The following SLC22A2 variants were observed in gnomAD, a reference collection of about 807,000 sequenced individuals.
SLC22A2 encodes solute carrier family 22 member 2.
SLC22A2 carries 46 observed loss-of-function variants against 60.5 expected under a neutral mutation model. That is an observed-to-expected ratio of 0.76 (90% CI 0.60 to 0.97). The LOEUF (loss-of-function observed/expected upper bound fraction) is 0.97, where lower values mean the gene tolerates loss of function less well. SLC22A2 is among the 50% of genes least tolerant of loss of function. The pLI is 0.00. For synonymous variants in SLC22A2, 303 were observed against 267.0 expected (o/e 1.13, Z -1.31); for missense variants, 701 against 706.6 (o/e 0.99, Z 0.09).
At chr6:160,239,939 T>C (rs1250262363) in intron 9 of SLC22A2, among the ~76,000 whole-genome samples, 1 of 152,112 alleles carries the variant, frequency 6.6e-6, no homozygotes, top group Non-Finnish European at 1.5e-5. Context: ...ACAAATTCCG[T>C]GAGAAGAAGG....
chr6:160,244,758 G>A (rs1783063590), intron 6 of SLC22A2: 1 of 152,184 alleles, frequency 6.6e-6, no homozygotes, highest in African/African-American at 2.4e-5. Flanking sequence ...CTTTGCTTTT[G>A]TCAGTGATTG....
intron 10 of SLC22A2, among the ~76,000 whole-genome samples, chr6:160,224,452 C>T (rs1011905299): frequency 6.6e-6 from 1 of 151,918 alleles, no homozygotes; most frequent in African/African-American, 2.4e-5. Flanking sequence ...ACATATTGAC[C>T]TTTCTTCTAT....
chr6:160,254,147 AGG>A (rs1228250440), intron 2 of SLC22A2, among the ~76,000 whole-genome samples: 10 of 151,964 alleles, frequency 6.6e-5, no homozygotes, highest in African/African-American at 2.4e-4. Context: ...GCATGGTGGT[AGG>A]CGCCTGTAAT....
At chr6:160,244,516 G>A (rs1402419796) in intron 6 of SLC22A2, 1 of 152,242 alleles carries the variant, frequency 6.6e-6, no homozygotes, top group African/African-American at 2.4e-5. Flanking sequence ...AGAAGACCAA[G>A]TGAGTACGGC....
At chr6:160,248,734 G>T (rs185207941) in intron 4 of SLC22A2, among the ~76,000 whole-genome samples, 2 of 152,280 alleles carry the variant, frequency 1.3e-5, no homozygotes, top group Non-Finnish European at 2.9e-5. Context: ...TGGTCTGTCT[G>T]GAGTGTCATG....
intron 5 of SLC22A2, among the ~76,000 whole-genome samples, chr6:160,245,881 T>C (rs867515075): frequency 0.011 from 1,431 of 132,540 alleles, 29 homozygotes; most frequent in Middle Eastern, 0.052. Flanking sequence ...TTTTTTTTTT[T>C]CCCCGAGACA....
At position 160,243,625 on chromosome 6, in the gene SLC22A2, G is replaced by T; in HGVS notation, c.1226C>A (p.Ala409Glu). 1 of 1,614,062 alleles carries T rather than the reference G, an allele frequency of 6.2e-7. No individual in the cohort carries two copies. Among genetic ancestry groups the T allele is most frequent in the Non-Finnish European group, 8.5e-7 (1 of 1,179,948 alleles). The change falls in exon 7 of 11, where the codon GCA becomes GAA. Residue 409 changes from alanine to glutamate, a missense_variant. Coordinates refer to ENST00000366953, the MANE Select transcript of SLC22A2 (RefSeq NM_003058.4). ...GGCTGCCCCTGCAACCATATTTGAT[G>T]CAGCCCAAGGGTAACGGCGTCCGAT... ...DRIGRRYPWA[A>E]SNMVAGAACL...
chr6:160,224,909 A>C (rs1782699811), intron 9 of SLC22A2, 105 bp from the exon 10 acceptor site: 1 of 556,918 alleles, frequency 1.8e-6, no homozygotes, highest in Non-Finnish European at 3.0e-6. Context: ...GCATTTTTCT[A>C]TACTTATTTA....
chr6:160,223,427 T>C (rs1383242169), intron 10 of SLC22A2, among the ~76,000 whole-genome samples: 1 of 152,242 alleles, frequency 6.6e-6, no homozygotes, highest in African/African-American at 2.4e-5. Flanking sequence ...ACACAAATGA[T>C]AGAATATATA....
intron 4 of SLC22A2, among the ~76,000 whole-genome samples, chr6:160,248,510 T>C (rs1783132867): frequency 6.6e-6 from 1 of 152,302 alleles, no homozygotes; most frequent in Admixed American, 6.5e-5. Flanking sequence ...AAGACAGCCA[T>C]GGGAAGAACA....
Position 160,224,098 on chromosome 6 carries a change from C to T in SLC22A2, c.1601+607G>A, listed in dbSNP as rs193014004. On this transcript the variant is annotated intron_variant, in intron 10 of 10. Transcript: ENST00000366953. ...AGGCATCTAATTCCTACCAGCAACA[C>T]GGGAGACTACATTTCTCCCCATTCT... is the stretch of plus-strand genomic sequence containing the variant. 5.3e-5 allele frequency among the ~76,000 whole-genome samples: 8 copies of T among 152,284 alleles called. No homozygotes were observed. In the East Asian group the frequency reaches 9.6e-4, roughly 18 times the overall value.
At chr6:160,243,494 G>T in intron 7 of SLC22A2, 78 bp downstream of exon 7, 1 of 1,069,028 alleles carries the variant, frequency 9.4e-7, no homozygotes, top group Non-Finnish European at 1.4e-6. Context: ...AAATTACATG[G>T]TTTTCCTATC....
At chr6:160,256,768 C>G in intron 1 of SLC22A2, 51 bp from the exon 2 acceptor site, 1 of 1,235,936 alleles carries the variant, frequency 8.1e-7, no homozygotes, top group Non-Finnish European at 1.2e-6. Context: ...GAAATGAAAT[C>G]CTGTTAGAAT....
chr6:160,238,793 T>C (rs1396373921), intron 9 of SLC22A2, among the ~76,000 whole-genome samples: 4 of 152,188 alleles, frequency 2.6e-5, no homozygotes, highest in Non-Finnish European at 5.9e-5. Context: ...GTAGTTATAA[T>C]CCTTTATCTT....
chr6:160,242,471 T>A (rs746176818), intron 7 of SLC22A2, 69 bp from the exon 8 acceptor site: 44 of 920,142 alleles, frequency 4.8e-5, no homozygotes, highest in Non-Finnish European at 7.1e-5. Flanking sequence ...TGCTCCAGAG[T>A]GGGACTGTAA....
intron 9 of SLC22A2, among the ~76,000 whole-genome samples, chr6:160,238,277 C>T (rs1782944037): frequency 6.6e-6 from 1 of 152,146 alleles, no homozygotes; most frequent in Non-Finnish European, 1.5e-5. Flanking sequence ...TAGAATAGTG[C>T]CTGGCACATG....
At chr6:160,221,567 C>T (rs1347045402) in intron 10 of SLC22A2, among the ~76,000 whole-genome samples, 1 of 152,230 alleles carries the variant, frequency 6.6e-6, no homozygotes, top group Admixed American at 6.5e-5. Context: ...CCTCATTGAG[C>T]TTAATCATTT....
intron 9 of SLC22A2, among the ~76,000 whole-genome samples, chr6:160,232,769 A>G (rs999846995): frequency 1.3e-5 from 2 of 151,912 alleles, no homozygotes; most frequent in South Asian, 4.2e-4. Flanking sequence ...GTAGCTAAAA[A>G]AGCAGCTAGC....
At chr6:160,233,015 CG>C (rs36093830) in intron 9 of SLC22A2, among the ~76,000 whole-genome samples, 104,006 of 149,512 alleles carry the variant, frequency 0.7, 38,024 homozygotes, top group Admixed American at 0.81. Flanking sequence ...TCCTTTCCAT[CG>C]TGGAAATCTA....
Sources: allele counts gnomAD v4.1 joint callset (sites outside exome capture counted in the v4.1 genomes callset), GRCh38; gene constraint gnomAD v4.1.1; transcripts MANE v1.5; gene names NCBI Gene and HGNC (gene_info 2026-07-23, HGNC 2026-07-21).